Variants in FYB2 observed in about 807,000 individuals in gnomAD.
The protein encoded by FYB2 is FYN-binding protein 2.
FYB2 carries 103 observed loss-of-function variants against 94.1 expected under a neutral mutation model. The observed-to-expected ratio is 1.09, with a 90% CI of 0.93 to 1.29. FYB2 has a LOEUF of 1.29. Among genes scored for constraint, FYB2 ranks in the 50% most tolerant of loss-of-function variants. The probability of loss-of-function intolerance (pLI) is 0.00; values close to 1 mark genes in which losing one functional copy is unlikely to be tolerated. For missense variants in FYB2, 896 were observed against 841.5 expected (o/e 1.06, Z -0.80); for synonymous variants, 293 against 287.9 (o/e 1.02, Z -0.18).
Position 56,753,866 on chromosome 1 carries a change from C to A in FYB2, c.1200G>T (p.Lys400Asn), listed in dbSNP as rs72668350. The change falls in exon 8 of 20, where the codon AAG becomes AAT. Residue 400 changes from lysine (K) to asparagine (N), a missense_variant. By Grantham distance (94) the Lys-to-Asn change is moderately conservative. Transcript: ENST00000343433. ...TGAAAACATGGTTTGAATATGGTTC[C>A]TTTTCTGTGTTTTTAGGTTTCAATT... The part of the protein sequence containing the change: ...PCELKPKNTE[K>N]EPYSNHVFKV... 29,126 of 1,610,016 alleles carry A rather than the reference C, an allele frequency of 0.018. 358 individuals are homozygous for A. Among genetic ancestry groups the A allele is most frequent in the Non-Finnish European group, 0.022 (25,997 of 1,176,816 alleles).
At chr1:56,775,372 A>G (rs915623097) in intron 4 of FYB2, among the ~76,000 whole-genome samples, 2 of 152,182 alleles carry the variant, frequency 1.3e-5, no homozygotes, top group African/African-American at 2.4e-5. Flanking sequence ...ATAACCTTAC[A>G]AAATATGCCG....
intron 9 of FYB2, among the ~76,000 whole-genome samples, 183 bp downstream of exon 9, chr1:56,750,861 C>G (rs1645180127): frequency 6.6e-6 from 1 of 152,028 alleles, no homozygotes; most frequent in Admixed American, 6.6e-5. Flanking sequence ...GGTTTGAACT[C>G]AAGACTTCTG....
intron 4 of FYB2, among the ~76,000 whole-genome samples, chr1:56,768,677 T>C (rs1291872120): frequency 6.6e-6 from 1 of 152,192 alleles, no homozygotes; most frequent in African/African-American, 2.4e-5. Flanking sequence ...ACGGCACCTG[T>C]AGTTTCCAAA....
rs79524141 is a variant in FYB2, at chr1:56,778,097, G to A, written c.953+9078C>T. Among the ~76,000 whole-genome samples, 798 of 152,126 alleles carry A rather than the reference G, an allele frequency of 5.2e-3. 3 individuals carry two copies. The highest frequency in any genetic ancestry group is 7.8e-3 in the Non-Finnish European group (532 of 67,992). On this transcript the variant is annotated intron_variant, in intron 4 of 19. Coordinates refer to ENST00000343433, the MANE Select transcript of FYB2 (RefSeq NM_001004303.5). ...ACTGGCCTCCTGTCTACTTTACAAG[G>A]ATGCAGTGCTCTCTACTACCTCGAA...
chr1:56,784,702 C>T (rs1646091812), intron 4 of FYB2, among the ~76,000 whole-genome samples: 1 of 152,138 alleles, frequency 6.6e-6, no homozygotes. Flanking sequence ...AACCTCCTTG[C>T]TTTCAAACAT....
At chr1:56,757,689 T>TCCTTC (rs1557616891) in intron 6 of FYB2, among the ~76,000 whole-genome samples, 23 of 56,860 alleles carry the variant, frequency 4.0e-4, no homozygotes, top group African/African-American at 5.3e-4. Flanking sequence ...CTTCCTTCCT[T>TCCTTC]CTTTCTTTCT....
chr1:56,801,018 A>G (rs1207996403), intron 1 of FYB2, among the ~76,000 whole-genome samples: 1 of 152,146 alleles, frequency 6.6e-6, no homozygotes, highest in Non-Finnish European at 1.5e-5. Flanking sequence ...CTGGTCTGTT[A>G]ACAAAGGGCC....
chr1:56,793,761 G>C (rs1384844891), intron 1 of FYB2, among the ~76,000 whole-genome samples: 3 of 96,556 alleles, frequency 3.1e-5, no homozygotes, highest in African/African-American at 1.2e-4. Context: ...AAAAAAAAAA[G>C]CTTTCACCTG....
At chr1:56,757,232 G>T (rs1645354717) in intron 6 of FYB2, among the ~76,000 whole-genome samples, 1 of 152,102 alleles carries the variant, frequency 6.6e-6, no homozygotes, top group Non-Finnish European at 1.5e-5. Flanking sequence ...TGTTGATGTT[G>T]CCAGGTACAT....
intron 18 of FYB2, 48 bp from the exon 19 acceptor site, chr1:56,720,103 G>GT (rs762958496): frequency 2.5e-6 from 4 of 1,589,242 alleles, no homozygotes; most frequent in South Asian, 1.2e-5. Flanking sequence ...TAGAGAAAAT[G>GT]TTTTTTTAAA....
intron 5 of FYB2, among the ~76,000 whole-genome samples, chr1:56,761,101 A>C (rs1374225208): frequency 6.6e-6 from 1 of 152,224 alleles, no homozygotes; most frequent in African/African-American, 2.4e-5. Flanking sequence ...TGCTAGTGTC[A>C]CAACACGGTC....
chr1:56,801,244 C>G (rs1646512525), intron 1 of FYB2, among the ~76,000 whole-genome samples: 1 of 152,166 alleles, frequency 6.6e-6, no homozygotes, highest in Non-Finnish European at 1.5e-5. Context: ...CCACTCTCCT[C>G]TATTCCTGGG....
intron 15 of FYB2, 56 bp downstream of exon 15, chr1:56,737,031 G>C: frequency 7.9e-7 from 1 of 1,269,938 alleles, no homozygotes; most frequent in East Asian, 2.4e-5. Flanking sequence ...AATTAAGAAA[G>C]CATCAGGAAA....
At chr1:56,755,149 TG>T (rs2100718478) in intron 7 of FYB2, among the ~76,000 whole-genome samples, 1 of 152,242 alleles carries the variant, frequency 6.6e-6, no homozygotes, top group South Asian at 2.1e-4. Flanking sequence ...AGCACTACTA[TG>T]TGCCAGGGCA....
chr1:56,767,428 C>T (rs1048163622), intron 5 of FYB2, among the ~76,000 whole-genome samples: 1 of 152,146 alleles, frequency 6.6e-6, no homozygotes, highest in Non-Finnish European at 1.5e-5. Flanking sequence ...TCTGTTATCT[C>T]ACTCTCCACA....
rs188971314 is a variant in FYB2 at position 56,787,144 on chromosome 1, G to A, written c.953+31C>T. On this transcript the variant is annotated intron_variant, in intron 4 of 19. Coordinates refer to ENST00000343433, the MANE Select transcript of FYB2 (RefSeq NM_001004303.5). ...CTAAGTAGCCTCTGTGGTGGGCTAC[G>A]TTCCTACACAACTAAGGAGCATGTA... is the stretch of plus-strand genomic sequence containing the variant. 74 of 1,612,976 alleles carry A rather than the reference G, an allele frequency of 4.6e-5. 1 individual carries two copies. In the Middle Eastern group the frequency reaches 5.0e-4, roughly 11 times the overall value.
At chr1:56,816,464 C>T (rs1015615051) in intron 1 of FYB2, among the ~76,000 whole-genome samples, 19 of 152,188 alleles carry the variant, frequency 1.2e-4, no homozygotes, top group African/African-American at 3.6e-4. Flanking sequence ...TTTTATGACA[C>T]AGTCTCTGAA....
At position 56,744,265 on chromosome 1, in the gene FYB2, A is replaced by G. The variant is rs757101105; in HGVS notation, c.1389T>C (p.Cys463=). 6.2e-7 allele frequency: 1 copy of G among 1,608,722 alleles called. No homozygotes were observed. Among genetic ancestry groups the G allele is most frequent in the South Asian group, 1.1e-5 (1 of 90,930 alleles). Residue 463 remains cysteine (C), a splice_region_variant and synonymous_variant, in exon 10 of 20, where the codon TGT becomes TGC. Transcript: ENST00000343433. ...PKLARHSQGH[C]GHLEVLESTK... ...TTGACTCCAAAACCTCCAGATGCCC[A>G]CCTGAAAGGAAACCAGAAAACCTGA...
At chr1:56,799,832 G>T (rs1646480093) in intron 1 of FYB2, among the ~76,000 whole-genome samples, 1 of 152,096 alleles carries the variant, frequency 6.6e-6, no homozygotes, top group Non-Finnish European at 1.5e-5. Flanking sequence ...ATCTACAATG[G>T]CATTCATTGC....
Sources: allele counts gnomAD v4.1 joint callset (sites outside exome capture counted in the v4.1 genomes callset), GRCh38; gene constraint gnomAD v4.1.1; transcripts MANE v1.5; gene names NCBI Gene and HGNC (gene_info 2026-07-23, HGNC 2026-07-21).